ATP8A2: variants seen among roughly 807,000 people sequenced by gnomAD.
The protein encoded by ATP8A2 is phospholipid-transporting ATPase IB.
ATP8A2 carries 100 observed loss-of-function variants against 165.6 expected under a neutral mutation model. The observed-to-expected ratio is 0.60, with a 90% CI of 0.51 to 0.71. The LOEUF (loss-of-function observed/expected upper bound fraction) is 0.71, where lower values mean the gene tolerates loss of function less well. ATP8A2 is among the 30% of genes least tolerant of loss of function. ATP8A2 has a pLI of 0.00. For missense variants in ATP8A2, 1,227 were observed against 1,479.5 expected (o/e 0.83, Z 2.80); for synonymous variants, 543 against 548.8 (o/e 0.99, Z 0.15).
chr13:25,730,326 A>G (rs2043592788), intron 25 of ATP8A2, among the ~76,000 whole-genome samples: 1 of 152,050 alleles, frequency 6.6e-6, no homozygotes, highest in South Asian at 2.1e-4. Context: ...AGAAAGCAAA[A>G]GTCTCTTTAA....
At chr13:25,833,158 A>G (rs191878929) in intron 28 of ATP8A2, among the ~76,000 whole-genome samples, 7 of 152,250 alleles carry the variant, frequency 4.6e-5, no homozygotes, top group African/African-American at 1.7e-4. Flanking sequence ...TATACATTGC[A>G]TAGGAAAAAT....
At chr13:25,838,379 C>A (rs117461866) in intron 29 of ATP8A2, among the ~76,000 whole-genome samples, 244 of 152,212 alleles carry the variant, frequency 1.6e-3, no homozygotes, top group Non-Finnish European at 2.7e-3. Context: ...CCAAAGAGAC[C>A]CGAGGGACTC....
chr13:25,468,671 G>C, intron 1 of ATP8A2: 2 of 291,476 alleles, frequency 6.9e-6, no homozygotes, highest in South Asian at 1.3e-4. Flanking sequence ...CGTCCAGCCC[G>C]GCCCGGTCCC....
chr13:25,541,849 A>G (rs2038487486), intron 8 of ATP8A2, 70 bp from the exon 9 acceptor site: 1 of 1,555,846 alleles, frequency 6.4e-7, no homozygotes, highest in Non-Finnish European at 8.8e-7. Context: ...GATTAACCAT[A>G]GGGATGCTGA....
At chr13:25,399,719 T>C (rs1220151315) in intron 1 of ATP8A2, among the ~76,000 whole-genome samples, 1 of 151,438 alleles carries the variant, frequency 6.6e-6, no homozygotes, top group Non-Finnish European at 1.5e-5. Flanking sequence ...CTTCTTTTTC[T>C]TCTCCTTCCT....
Position 25,807,850 on chromosome 13 carries a change from G to T in ATP8A2, c.2680-20268G>T, listed in dbSNP as rs1950775221. Among the ~76,000 whole-genome samples the T allele has an allele frequency of 2.6e-5, 4 of 152,022 alleles. No individual in the cohort carries two copies. In the South Asian group the frequency reaches 8.3e-4, roughly 32 times the overall value. On this transcript the variant is annotated intron_variant, in intron 27 of 36. Transcript: ENST00000381655. ...CAATAACCCCTAAAATCACTTGTCT[G>T]TCTCACACACACAGGAAGAAAGGAA...
Position 25,469,049 on chromosome 13 carries a change from A to G in ATP8A2, c.149A>G (p.Gln50Arg). ...EMSRATSVGD[Q>R]LEAPARTIYL... ...TCCCGGGCCACGTCTGTTGGAGACCAGCTGGAGGCACCCGCCCGCACCATT... is the reference window on the plus strand; with the variant it reads ...TCCCGGGCCACGTCTGTTGGAGACCGGCTGGAGGCACCCGCCCGCACCATT... Residue 50 changes from glutamine to arginine, a missense_variant, in exon 2 of 37, where the codon CAG becomes CGG. Physicochemically the swap from Gln to Arg is conservative, Grantham distance 43 (BLOSUM62 1). Transcript: ENST00000381655. The G allele has an allele frequency of 1.2e-6, 2 of 1,614,090 alleles. No individual in the cohort carries two copies. Among genetic ancestry groups the G allele is most frequent in the Non-Finnish European group, 1.7e-6 (2 of 1,179,918 alleles).
chr13:25,530,560 A>T lies in ATP8A2; in HGVS notation c.322-2A>T. ...TCCTACTTGTGGTCTCTTATCTTCC[A>T]GCAAATTCCAGATGTATCTCCAACA... On this transcript the variant is annotated splice_acceptor_variant, in intron 3 of 36. Coordinates refer to ENST00000381655, the MANE Select transcript of ATP8A2 (RefSeq NM_016529.6). LOFTEE classifies it high-confidence loss of function. 1 of 1,559,660 alleles carries T rather than the reference A, an allele frequency of 6.4e-7. No individual in the cohort carries two copies.
chr13:25,697,447 A>G (rs150190745), intron 24 of ATP8A2, among the ~76,000 whole-genome samples: 1,734 of 152,108 alleles, frequency 0.011, 30 homozygotes, highest in African/African-American at 0.039. Flanking sequence ...AGCCCGACTA[A>G]TTTTTGTATT....
At chr13:25,919,946 C>T (rs1400553769) in intron 33 of ATP8A2, among the ~76,000 whole-genome samples, 3 of 152,082 alleles carry the variant, frequency 2.0e-5, no homozygotes, top group Non-Finnish European at 1.5e-5. Context: ...ACTACAAGGC[C>T]TGGCTAATTT....
chr13:25,927,149 A>G (rs143978089), intron 33 of ATP8A2: 16 of 456,786 alleles, frequency 3.5e-5, no homozygotes, highest in East Asian at 3.5e-4. Context: ...GCACACAAAC[A>G]CTAGCTGGAT....
intron 1 of ATP8A2, among the ~76,000 whole-genome samples, chr13:25,403,351 A>G (rs2033699093): frequency 6.6e-6 from 1 of 152,200 alleles, no homozygotes; most frequent in Non-Finnish European, 1.5e-5. Flanking sequence ...CGGGAGGAAG[A>G]GACTAAGACA....
intron 2 of ATP8A2, among the ~76,000 whole-genome samples, chr13:25,516,783 CTT>C (rs770018909): frequency 2.9e-5 from 4 of 135,846 alleles, no homozygotes; most frequent in Admixed American, 7.4e-5. Context: ...TTCTTTCTTA[CTT>C]TTTTTTTTTT....
intron 2 of ATP8A2, among the ~76,000 whole-genome samples, chr13:25,513,999 G>GGAGGGAGAGGGAGAGGGAGAGGGA (rs574157605): frequency 7.4e-6 from 1 of 134,556 alleles, no homozygotes; most frequent in Non-Finnish European, 1.6e-5. Context: ...AGGGGGAGGG[G>GGAGGGAGAGGGAGAGGGAGAGGGA]GAGGGAGAGG....
chr13:25,494,688 T>C (rs1160647541), intron 2 of ATP8A2, among the ~76,000 whole-genome samples: 1 of 152,246 alleles, frequency 6.6e-6, no homozygotes, highest in Non-Finnish European at 1.5e-5. Flanking sequence ...AACATAAGGA[T>C]AAAAACTGAT....
At chr13:25,860,350 T>A (rs1593463255) in intron 31 of ATP8A2, 94 bp downstream of exon 31, 1 of 662,432 alleles carries the variant, frequency 1.5e-6, no homozygotes, top group Non-Finnish European at 2.6e-6. Context: ...CTCATTATTA[T>A]TATTTATTTC....
intron 1 of ATP8A2, among the ~76,000 whole-genome samples, chr13:25,383,956 C>A (rs2137937506): frequency 6.6e-6 from 1 of 152,216 alleles, no homozygotes; most frequent in Middle Eastern, 3.4e-3. Context: ...GCTGTGCTTC[C>A]TTGGGTTTTA....
chr13:25,459,208 A>C (rs1263077582), intron 1 of ATP8A2, among the ~76,000 whole-genome samples: 1 of 152,224 alleles, frequency 6.6e-6, no homozygotes, highest in Non-Finnish European at 1.5e-5. Context: ...TATTCAAGGA[A>C]GACTGAATAC....
At chr13:25,377,934 C>T (rs2032695635) in intron 1 of ATP8A2, among the ~76,000 whole-genome samples, 1 of 152,140 alleles carries the variant, frequency 6.6e-6, no homozygotes, top group Non-Finnish European at 1.5e-5. Flanking sequence ...GCCTGTACAA[C>T]ATAGTGAGAC....
Sources: gnomAD v4.1 joint callset for allele counts (sites outside exome capture counted in the v4.1 genomes callset) on GRCh38, gnomAD v4.1.1 for gene constraint, MANE v1.5 for transcripts, NCBI Gene and HGNC (gene_info 2026-07-23, HGNC 2026-07-21) for gene names.